FMN1: variants seen among roughly 807,000 people sequenced by gnomAD.
The protein encoded by FMN1 is formin-1.
FMN1 carries 110 observed loss-of-function variants against 132.4 expected under a neutral mutation model. The ratio of observed to expected loss-of-function variants is 0.83; its 90% confidence interval spans 0.71 to 0.97. The LOEUF is 0.97. Among genes scored for constraint, FMN1 ranks in the 50% least tolerant of loss-of-function variants. The probability of loss-of-function intolerance (pLI) is 0.00; values close to 1 mark genes in which losing one functional copy is unlikely to be tolerated. For synonymous variants in FMN1, 722 were observed against 651.7 expected, an observed-to-expected ratio of 1.11 and a Z score of -1.64; for missense variants, 1,792 against 1,705.3, an observed-to-expected ratio of 1.05 and a Z score of -0.90.
At chr15:33,131,980 A>C in intron 4 of FMN1, among the ~76,000 whole-genome samples, 1 of 152,176 alleles carries the variant, frequency 6.6e-6, no homozygotes, top group East Asian at 1.9e-4. Context: ...AACAAGATAA[A>C]GGCAGTCAAG....
intron 4 of FMN1, among the ~76,000 whole-genome samples, chr15:33,099,877 C>A (rs1345093072): frequency 6.6e-6 from 1 of 152,158 alleles, no homozygotes; most frequent in Non-Finnish European, 1.5e-5. Flanking sequence ...TGCAATTTCT[C>A]CAGCACATGT....
chr15:32,914,784 T>A (rs1236483814), intron 10 of FMN1, among the ~76,000 whole-genome samples: 1 of 152,236 alleles, frequency 6.6e-6, no homozygotes, highest in Non-Finnish European at 1.5e-5. Flanking sequence ...GAAACCACTC[T>A]GAGGCTTTGA....
intron 15 of FMN1, among the ~76,000 whole-genome samples, chr15:32,888,559 T>C (rs570060578): frequency 1.3e-5 from 2 of 152,244 alleles, no homozygotes; most frequent in African/African-American, 4.8e-5. Flanking sequence ...AAAGAGAAAA[T>C]TGTCAGGTCG....
At chr15:32,811,845 G>A (rs1288187100) in intron 17 of FMN1, among the ~76,000 whole-genome samples, 3 of 151,802 alleles carry the variant, frequency 2.0e-5, no homozygotes, top group African/African-American at 7.2e-5. Flanking sequence ...TTGTAGTTTC[G>A]CCATGTTGGC....
intron 4 of FMN1, among the ~76,000 whole-genome samples, chr15:33,124,206 A>G (rs948892946): frequency 7.2e-5 from 11 of 152,220 alleles, no homozygotes; most frequent in African/African-American, 2.7e-4. Context: ...TTTTCAAAAG[A>G]AAAGTGAGGT....
intron 5 of FMN1, among the ~76,000 whole-genome samples, chr15:33,085,444 A>G (rs894242465): frequency 5.9e-5 from 9 of 151,910 alleles, no homozygotes; most frequent in African/African-American, 1.9e-4. Context: ...TAGTTTTATA[A>G]TTCTGATTAA....
At chr15:32,830,006 G>T (rs1176991161) in intron 17 of FMN1, among the ~76,000 whole-genome samples, 1 of 152,074 alleles carries the variant, frequency 6.6e-6, no homozygotes, top group African/African-American at 2.4e-5. Flanking sequence ...ACTAAATAAG[G>T]ATTACTTATA....
chr15:33,083,868 G>C (rs2038585505), intron 5 of FMN1, among the ~76,000 whole-genome samples: 1 of 152,138 alleles, frequency 6.6e-6, no homozygotes, highest in Admixed American at 6.5e-5. Context: ...CCAAAACCAA[G>C]ATGGCTACAA....
chr15:33,107,821 G>A (rs927396335), intron 4 of FMN1, among the ~76,000 whole-genome samples: 4 of 152,048 alleles, frequency 2.6e-5, no homozygotes, highest in African/African-American at 4.8e-5. Flanking sequence ...GTTTTCTTCT[G>A]TATATAGGTG....
intron 4 of FMN1, among the ~76,000 whole-genome samples, chr15:33,109,443 G>A (rs1440873932): frequency 1.3e-5 from 2 of 152,034 alleles, no homozygotes; most frequent in Non-Finnish European, 2.9e-5. Flanking sequence ...TCAACCTAAT[G>A]TCAATCGATG....
chr15:32,984,672 T>C (rs11631622), intron 7 of FMN1, among the ~76,000 whole-genome samples: 1,814 of 152,274 alleles, frequency 0.012, 16 homozygotes, highest in Admixed American at 0.018. Context: ...CATCTACGTA[T>C]GGTTTATATG....
chr15:32,977,885 CAG>C (rs1352637336), intron 7 of FMN1, among the ~76,000 whole-genome samples: 4 of 148,516 alleles, frequency 2.7e-5, no homozygotes, highest in East Asian at 2.0e-4. Flanking sequence ...TTTTCTGAGA[CAG>C]AGTCTCTGTA....
At chr15:33,064,928 C>A (rs1036784407) in intron 6 of FMN1, 29 bp downstream of exon 6, 2 of 1,506,036 alleles carry the variant, frequency 1.3e-6, no homozygotes, top group African/African-American at 2.8e-5. Flanking sequence ...GAGATTCATT[C>A]CCGGGTCCCT....
At chr15:32,839,858 C>A (rs2058707986) in intron 17 of FMN1, among the ~76,000 whole-genome samples, 1 of 151,644 alleles carries the variant, frequency 6.6e-6, no homozygotes, top group South Asian at 2.1e-4. Context: ...TGTAAAAAAT[C>A]CTTGTTAATT....
At chr15:32,819,914 G>A (rs926040989) in intron 17 of FMN1, among the ~76,000 whole-genome samples, 2 of 151,880 alleles carry the variant, frequency 1.3e-5, no homozygotes, top group East Asian at 1.9e-4. Context: ...ACCATTTTTC[G>A]CATACTTGAA....
intron 2 of FMN1, among the ~76,000 whole-genome samples, chr15:33,180,543 ATTCAGACAT>A (rs977786217): frequency 6.6e-6 from 1 of 152,134 alleles, no homozygotes; most frequent in Non-Finnish European, 1.5e-5. Context: ...AGTTTCCAGG[ATTCAGACAT>A]TTCAGTGCTG....
At chr15:33,020,503 C>G (rs568142606) in intron 6 of FMN1, among the ~76,000 whole-genome samples, 1 of 151,980 alleles carries the variant, frequency 6.6e-6, no homozygotes, top group Non-Finnish European at 1.5e-5. Flanking sequence ...AAAAAGTAGC[C>G]GGGCGTGGTG....
At chr15:32,856,929 C>A in intron 17 of FMN1, 86 bp downstream of exon 17, 1 of 935,940 alleles carries the variant, frequency 1.1e-6, no homozygotes, top group Non-Finnish European at 1.7e-6. Context: ...AGCCAGGATG[C>A]CAGGGGCCGT....
intron 17 of FMN1, among the ~76,000 whole-genome samples, chr15:32,847,829 T>C (rs896678464): frequency 6.6e-6 from 1 of 152,122 alleles, no homozygotes; most frequent in East Asian, 1.9e-4. Flanking sequence ...CACTCCAGCC[T>C]GGGTGACAAA....
Sources: allele counts gnomAD v4.1 joint callset (sites outside exome capture counted in the v4.1 genomes callset), GRCh38; gene constraint gnomAD v4.1.1; transcripts MANE v1.5; gene names NCBI Gene and HGNC (gene_info 2026-07-23, HGNC 2026-07-21).